NSMCE2: variants seen among roughly 807,000 people sequenced by gnomAD.
The protein encoded by NSMCE2 is NSE2 SUMO ligase component of SMC5/6 complex, also known as E3 SUMO-protein ligase NSE2.
NSMCE2 carries 24 observed loss-of-function variants against 23.8 expected under a neutral mutation model. That is an observed-to-expected ratio of 1.01 (90% CI 0.73 to 1.42). The LOEUF is 1.42. NSMCE2 is among the 40% of genes most tolerant of loss of function. The probability of loss-of-function intolerance (pLI) is 0.00; values close to 1 mark genes in which losing one functional copy is unlikely to be tolerated. For missense variants in NSMCE2, 284 were observed against 296.5 expected, an observed-to-expected ratio of 0.96 and a Z score of 0.31; for synonymous variants, 92 against 94.1, an observed-to-expected ratio of 0.98 and a Z score of 0.13.
At chr8:125,303,668 A>T (rs1828649410) in intron 5 of NSMCE2, among the ~76,000 whole-genome samples, 2 of 152,166 alleles carry the variant, frequency 1.3e-5, no homozygotes, top group Non-Finnish European at 2.9e-5. Context: ...GCTGTACAGA[A>T]ATTCAACTCC....
At chr8:125,302,084 A>T (rs1157963492) in intron 5 of NSMCE2, among the ~76,000 whole-genome samples, 2 of 151,974 alleles carry the variant, frequency 1.3e-5, no homozygotes, top group Non-Finnish European at 2.9e-5. Context: ...TCAGCCTCCC[A>T]GAGCTGGGAT....
chr8:125,275,996 G>C (rs192948083), intron 5 of NSMCE2, among the ~76,000 whole-genome samples: 337 of 152,238 alleles, frequency 2.2e-3, no homozygotes, highest in African/African-American at 7.7e-3. Context: ...TTGATCTCAT[G>C]GCCTTCTGTG....
chr8:125,106,697 C>CA (rs537859165), intron 3 of NSMCE2, among the ~76,000 whole-genome samples: 78 of 139,608 alleles, frequency 5.6e-4, no homozygotes, highest in Non-Finnish European at 1.1e-3. Flanking sequence ...AAAAAAAAAA[C>CA]AAACAACTTT....
At chr8:125,339,584 T>C (rs1315528611) in intron 5 of NSMCE2, among the ~76,000 whole-genome samples, 1 of 152,182 alleles carries the variant, frequency 6.6e-6, no homozygotes, top group Admixed American at 6.5e-5. Flanking sequence ...ATAATGGACA[T>C]AATGAGGCAT....
intron 5 of NSMCE2, among the ~76,000 whole-genome samples, chr8:125,215,749 A>G (rs1169721572): frequency 2.0e-5 from 3 of 152,212 alleles, no homozygotes; most frequent in Admixed American, 6.5e-5. Flanking sequence ...AGCTTTCTAC[A>G]TATGGGTAGC....
intron 5 of NSMCE2, among the ~76,000 whole-genome samples, chr8:125,216,700 G>A (rs1384997631): frequency 6.6e-6 from 1 of 150,824 alleles, no homozygotes; most frequent in Admixed American, 6.6e-5. Flanking sequence ...CCACTATACA[G>A]AATAGTTTCA....
chr8:125,262,654 A>G (rs940985344), intron 5 of NSMCE2, among the ~76,000 whole-genome samples: 10 of 152,194 alleles, frequency 6.6e-5, no homozygotes, highest in African/African-American at 2.2e-4. Flanking sequence ...TTTTAGCTCC[A>G]CAATCTGGTG....
At chr8:125,287,830 A>C (rs1446768441) in intron 5 of NSMCE2, among the ~76,000 whole-genome samples, 1 of 152,164 alleles carries the variant, frequency 6.6e-6, no homozygotes, top group Non-Finnish European at 1.5e-5. Context: ...GAATATCTCC[A>C]GTGACCTGCA....
At chr8:125,190,740 G>C (rs1823307551) in intron 5 of NSMCE2, among the ~76,000 whole-genome samples, 1 of 152,224 alleles carries the variant, frequency 6.6e-6, no homozygotes, top group African/African-American at 2.4e-5. Flanking sequence ...TATAATACAG[G>C]TCATAGGCAT....
intron 5 of NSMCE2, among the ~76,000 whole-genome samples, chr8:125,296,623 T>G (rs1460570571): frequency 6.6e-6 from 1 of 152,146 alleles, no homozygotes; most frequent in Non-Finnish European, 1.5e-5. Context: ...CTCAAACTCC[T>G]GACCTCAAGT....
intron 5 of NSMCE2, among the ~76,000 whole-genome samples, chr8:125,210,331 T>G (rs930166017): frequency 6.6e-6 from 1 of 152,234 alleles, no homozygotes; most frequent in African/African-American, 2.4e-5. Context: ...TTCTGATATA[T>G]GCTAATCATG....
chr8:125,217,532 G>GT (rs995498576), intron 5 of NSMCE2, among the ~76,000 whole-genome samples: 1 of 151,644 alleles, frequency 6.6e-6, no homozygotes, highest in Non-Finnish European at 1.5e-5. Context: ...GGCTAATTTT[G>GT]TTTTTTTGTA....
chr8:125,141,016 T>C (rs1424826454), intron 3 of NSMCE2, among the ~76,000 whole-genome samples: 1 of 152,192 alleles, frequency 6.6e-6, no homozygotes, highest in Non-Finnish European at 1.5e-5. Flanking sequence ...TCTGCGGATA[T>C]GCTTTAAAAT....
intron 3 of NSMCE2, among the ~76,000 whole-genome samples, chr8:125,128,293 C>T (rs1364655134): frequency 2.0e-5 from 3 of 152,146 alleles, no homozygotes; most frequent in East Asian, 3.8e-4. Flanking sequence ...GTGTGCCTAA[C>T]AGTTGGGAGG....
intron 5 of NSMCE2, among the ~76,000 whole-genome samples, chr8:125,246,264 A>G (rs1170784761): frequency 2.0e-5 from 3 of 150,216 alleles, no homozygotes; most frequent in Non-Finnish European, 1.5e-5. Flanking sequence ...GCTCACTGCA[A>G]CCTCCGCCTC....
At chr8:125,285,251 T>C (rs932507403) in intron 5 of NSMCE2, among the ~76,000 whole-genome samples, 1 of 152,196 alleles carries the variant, frequency 6.6e-6, no homozygotes, top group African/African-American at 2.4e-5. Flanking sequence ...AGAAAGATTA[T>C]ACCAGAGCTT....
intron 1 of NSMCE2, among the ~76,000 whole-genome samples, chr8:125,099,972 G>A (rs762100207): frequency 5.3e-5 from 8 of 152,078 alleles, no homozygotes; most frequent in African/African-American, 1.2e-4. Flanking sequence ...GAATTGCTGG[G>A]AGAATGTCTT....
chr8:125,175,320 C>T (rs937928447), intron 4 of NSMCE2, among the ~76,000 whole-genome samples: 2 of 152,114 alleles, frequency 1.3e-5, no homozygotes, highest in African/African-American at 2.4e-5. Flanking sequence ...TCAGTTGAGG[C>T]AATTCCCTCT....
chr8:125,229,515 G>A (rs1425129939), intron 5 of NSMCE2, among the ~76,000 whole-genome samples: 1 of 152,188 alleles, frequency 6.6e-6, no homozygotes, highest in Non-Finnish European at 1.5e-5. Context: ...GAGAATCTGA[G>A]TTTGGTTTGG....
Sources: gnomAD v4.1 joint callset for allele counts (sites outside exome capture counted in the v4.1 genomes callset) on GRCh38, gnomAD v4.1.1 for gene constraint, MANE v1.5 for transcripts, NCBI Gene and HGNC (gene_info 2026-07-23, HGNC 2026-07-21) for gene names.